Variants in CEP128 observed in about 807,000 individuals in gnomAD.
CEP128 encodes centrosomal protein 128kDa.
CEP128 carries 132 observed loss-of-function variants against 156.7 expected under a neutral mutation model. That is an observed-to-expected ratio of 0.84 (90% CI 0.73 to 0.97). The LOEUF (loss-of-function observed/expected upper bound fraction) is 0.97. Ranked by LOEUF, CEP128 falls within the 50% of genes least tolerant of loss-of-function variation. CEP128 has a pLI of 0.00. For synonymous variants in CEP128, 469 were observed against 448.9 expected (o/e 1.04, Z -0.57); for missense variants, 1,252 against 1,281.9 (o/e 0.98, Z 0.36).
intron 16 of CEP128, among the ~76,000 whole-genome samples, chr14:80,761,895 C>A (rs981570979): frequency 1.3e-5 from 2 of 152,116 alleles, no homozygotes; most frequent in Middle Eastern, 3.4e-3. Context: ...AAAAAAGAAC[C>A]TTTTCCCATT....
Position 80,501,929 on chromosome 14 carries a change from G to A in CEP128, c.3181+2983C>T, listed in dbSNP as rs7157005. 9.6e-3 allele frequency among the ~76,000 whole-genome samples: 1,466 copies of A among 152,064 alleles called. 19 individuals are homozygous for A. The highest frequency in any genetic ancestry group is 0.034 in the African/African-American group (1,406 of 41,482). ...GTGCCTGTCAGTTTATCATTGCCAC[G>A]GCAACACGACACACCTGTCGCCATT... On this transcript the variant is annotated intron_variant, in intron 24 of 24. Coordinates refer to ENST00000555265, the MANE Select transcript of CEP128 (RefSeq NM_152446.5).
chr14:80,588,982 A>G (rs1456433721), intron 19 of CEP128, among the ~76,000 whole-genome samples: 1 of 152,180 alleles, frequency 6.6e-6, no homozygotes, highest in East Asian at 1.9e-4. Context: ...ATAAGAAAGA[A>G]AGTGGGAATT....
rs1055215194 is a variant in CEP128, at chr14:80,851,228, T to A, written c.763-10460A>T. ...AACGAGATGCACAAAGCCCCTCCAA[T>A]GGAGTCTACATTCTTTGGCAAAAGG... On this transcript the variant is annotated intron_variant, in intron 9 of 24. Coordinates refer to ENST00000555265, the MANE Select transcript of CEP128 (RefSeq NM_152446.5). Among the ~76,000 whole-genome samples the A allele has an allele frequency of 2.0e-5, 3 of 152,144 alleles. 1 individual carries two copies. Among genetic ancestry groups the A allele is most frequent in the Non-Finnish European group, 4.4e-5 (3 of 68,004 alleles).
At chr14:80,925,115 A>C (rs1885076844) in intron 2 of CEP128, among the ~76,000 whole-genome samples, 1 of 152,230 alleles carries the variant, frequency 6.6e-6, no homozygotes, top group Admixed American at 6.5e-5. Context: ...CTTCAATTAG[A>C]AAGAGAGGAT....
chr14:80,560,294 G>A (rs1392056303), intron 20 of CEP128, among the ~76,000 whole-genome samples: 5 of 152,020 alleles, frequency 3.3e-5, no homozygotes, highest in Admixed American at 2.0e-4. Context: ...GTGCGGTGCC[G>A]CGTGCCTGTA....
chr14:80,859,306 C>T (rs1246874504), intron 9 of CEP128, among the ~76,000 whole-genome samples: 2 of 147,106 alleles, frequency 1.4e-5, no homozygotes, highest in Non-Finnish European at 3.0e-5. Flanking sequence ...AACAAAAAAC[C>T]AAACACCACA....
chr14:80,850,456 T>C (rs1225437387), intron 9 of CEP128, among the ~76,000 whole-genome samples: 1 of 152,210 alleles, frequency 6.6e-6, no homozygotes, highest in African/African-American at 2.4e-5. Flanking sequence ...AAGTATTCTA[T>C]GACCTTTATC....
At position 80,761,718 on chromosome 14, in the gene CEP128, C is replaced by A. The variant is rs1165431660; in HGVS notation, c.2377-105G>T. 6 of 731,216 alleles carry A rather than the reference C, an allele frequency of 8.2e-6. No homozygotes were observed. The African/African-American group carries it at 1.0e-4, about 13-fold the overall frequency. 45.3% of individuals were successfully genotyped at this position (731,216 alleles called of 1,614,324 possible). A position where few individuals can be genotyped will look rare whatever the true frequency, so the allele number is the denominator to read the frequency against. ...ACTAGAAGTGGATTTGAAAAGAAAT[C>A]TGATTCCATCAGTCCCCTTACTTTA... On this transcript the variant is annotated intron_variant, in intron 16 of 24. Transcript: ENST00000555265.
intron 8 of CEP128, among the ~76,000 whole-genome samples, chr14:80,866,941 T>C (rs1179706841): frequency 6.6e-6 from 1 of 152,234 alleles, no homozygotes; most frequent in Non-Finnish European, 1.5e-5. Flanking sequence ...TATCAAACCC[T>C]ATATATACCA....
At chr14:80,893,379 G>A (rs1029125495) in intron 8 of CEP128, among the ~76,000 whole-genome samples, 1 of 151,888 alleles carries the variant, frequency 6.6e-6, no homozygotes, top group East Asian at 1.9e-4. Flanking sequence ...ATACAAAGTA[G>A]CTGATATGTA....
chr14:80,596,673 TGTAGTG>T (rs1188722481), intron 19 of CEP128, among the ~76,000 whole-genome samples: 3 of 151,204 alleles, frequency 2.0e-5, no homozygotes, highest in Non-Finnish European at 4.4e-5. Context: ...ATTAGCTGGG[TGTAGTG>T]GCTTGCACCT....
chr14:80,535,927 T>C (rs1451698281), intron 21 of CEP128, among the ~76,000 whole-genome samples: 1 of 152,224 alleles, frequency 6.6e-6, no homozygotes, highest in Non-Finnish European at 1.5e-5. Context: ...GAGGCAATAG[T>C]GAAATTCAGA....
intron 2 of CEP128, among the ~76,000 whole-genome samples, chr14:80,957,411 GCCATTCAA>G (rs1017833554): frequency 4.4e-4 from 67 of 151,674 alleles, no homozygotes; most frequent in African/African-American, 1.5e-3. Flanking sequence ...ATAGGGAACT[GCCATTCAA>G]CCCCGAATTC....
chr14:80,634,917 C>A (rs1399777104), intron 19 of CEP128, among the ~76,000 whole-genome samples: 1 of 152,152 alleles, frequency 6.6e-6, no homozygotes. Context: ...AGATAAGAAC[C>A]ACCAGTTGCT....
intron 19 of CEP128, among the ~76,000 whole-genome samples, chr14:80,661,316 T>C (rs1168691452): frequency 6.6e-6 from 1 of 152,200 alleles, no homozygotes; most frequent in Non-Finnish European, 1.5e-5. Context: ...TTTGTTGTAC[T>C]ATTAATTTCA....
chr14:80,923,987 G>C (rs1258523484), intron 2 of CEP128, among the ~76,000 whole-genome samples: 1 of 152,132 alleles, frequency 6.6e-6, no homozygotes, highest in African/African-American at 2.4e-5. Flanking sequence ...CACCATATGA[G>C]AAGGTCCAAG....
chr14:80,503,566 G>A (rs565178278), intron 24 of CEP128, among the ~76,000 whole-genome samples: 1 of 152,304 alleles, frequency 6.6e-6, no homozygotes, highest in East Asian at 1.9e-4. Flanking sequence ...TTATGATGCT[G>A]TTTATCTCCA....
chr14:80,576,820 G>A (rs1157994048), intron 20 of CEP128, among the ~76,000 whole-genome samples: 1 of 152,168 alleles, frequency 6.6e-6, no homozygotes, highest in Non-Finnish European at 1.5e-5. Flanking sequence ...TAAGAGACCA[G>A]TAGGGTGGCA....
Position 80,552,557 on chromosome 14 carries a change from AT to A in CEP128, c.2880+6721del, listed in dbSNP as rs368883778. ...TGTTTCAATTCCCTTTAGTTTTTTA[AT>A]TTTTTTTGGTGAAATATGTCATTGA... On this transcript the variant is annotated intron_variant, in intron 21 of 24. Coordinates refer to ENST00000555265, the MANE Select transcript of CEP128 (RefSeq NM_152446.5). Among the ~76,000 whole-genome samples, 1,023 of 151,840 alleles carry A rather than the reference AT, an allele frequency of 6.7e-3. 11 individuals are homozygous for A. Among genetic ancestry groups the A allele is most frequent in the Middle Eastern group, 0.024 (7 of 294 alleles).
Sources: allele counts gnomAD v4.1 joint callset (sites outside exome capture counted in the v4.1 genomes callset), GRCh38; gene constraint gnomAD v4.1.1; transcripts MANE v1.5; gene names NCBI Gene and HGNC (gene_info 2026-07-23, HGNC 2026-07-21).